TEKT2: variants seen among roughly 807,000 people sequenced by gnomAD.
TEKT2 encodes tektin 2, also known as tektin-2.
A neutral mutation model predicts 49.8 loss-of-function variants in TEKT2; 45 were observed. That is an observed-to-expected ratio of 0.90 (90% CI 0.71 to 1.16). The LOEUF is 1.16. Ranked by LOEUF, TEKT2 falls within the 50% of genes most tolerant of loss-of-function variation. The pLI, the probability that TEKT2 is intolerant of heterozygous loss-of-function variation, is 0.00. For missense variants in TEKT2, 523 were observed against 551.4 expected (o/e 0.95, Z 0.52); for synonymous variants, 202 against 224.6 (o/e 0.90, Z 0.90).
At position 36,084,567 on chromosome 1, in the gene TEKT2, A is replaced by G; in HGVS notation, c.-52-303A>G. On this transcript the variant is annotated intron_variant, in intron 1 of 9. Coordinates refer to ENST00000207457, the MANE Select transcript of TEKT2 (RefSeq NM_014466.3). The surrounding 1 kb of genome is among the most constrained non-coding windows in gnomAD (Gnocchi z 4.1). The stretch of plus-strand genomic sequence containing the variant: ...GCATTAAGGGCAATTTTTTTCTGCC[A>G]TCCGCCTACCCCCCAGGCATTTGGC... The G allele has an allele frequency of 5.0e-6, 2 of 399,160 alleles. No individual in the cohort carries two copies. The highest frequency in any genetic ancestry group is 5.3e-5 in the South Asian group (2 of 37,948). The allele number at this position is 399,160 out of a possible 1,614,324, so 24.7% of individuals were successfully genotyped here. A position where few individuals can be genotyped will look rare whatever the true frequency, so the allele number is the denominator to read the frequency against.
At chr1:36,086,324 AGTGT>A (rs1235455148) in intron 4 of TEKT2, among the ~76,000 whole-genome samples, 1 of 151,994 alleles carries the variant, frequency 6.6e-6, no homozygotes, top group Admixed American at 6.5e-5. Context: ...AGCTCCTGTG[AGTGT>A]GTGTGTATGA....
Position 36,085,058 on chromosome 1 carries a change from G to T in TEKT2, c.137G>T (p.Arg46Leu). Residue 46 changes from arginine (R) to leucine (L), a missense_variant, in exon 2 of 10, where the codon CGC becomes CTC. Coordinates refer to ENST00000207457, the MANE Select transcript of TEKT2 (RefSeq NM_014466.3). ...HQIRQEARVLRNETNNQTIWD... is the reference protein window; with the variant it reads ...HQIRQEARVLLNETNNQTIWD... ...ATCCGCCAGGAGGCCCGGGTGCTCC[G>T]CAACGAGACCAACAACCAGGTTGGG... 3 of 1,614,108 alleles carry T rather than the reference G, an allele frequency of 1.9e-6. No homozygotes were observed. Among genetic ancestry groups the T allele is most frequent in the African/African-American group, 1.3e-5 (1 of 75,044 alleles).
Position 36,086,911 on chromosome 1 carries a change from A to G in TEKT2, c.633-20A>G. The G allele has an allele frequency of 6.2e-7, 1 of 1,613,444 alleles. No homozygotes were observed. The highest frequency in any genetic ancestry group is 8.5e-7 in the Non-Finnish European group (1 of 1,179,958). On this transcript the variant is annotated intron_variant, in intron 5 of 9. Transcript: ENST00000207457. Reference sequence around the variant, plus strand: ...CCCAGGCCACACCCTCATGACCCCCATTTTCCCTGCCACCTGCAGCTCCAC... The same window carrying G: ...CCCAGGCCACACCCTCATGACCCCCGTTTTCCCTGCCACCTGCAGCTCCAC...
chr1:36,086,111 A>G, intron 4 of TEKT2, 70 bp downstream of exon 4: 1 of 1,515,834 alleles, frequency 6.6e-7, no homozygotes. Context: ...TGTGGAACAC[A>G]GGTATTGTGG....
rs1643389779 is a variant in TEKT2, at chr1:36,087,058, C to T, written c.747+13C>T. On this transcript the variant is annotated intron_variant, in intron 6 of 9. Transcript: ENST00000207457. The surrounding 1 kb of genome is among the most constrained non-coding windows in gnomAD (Gnocchi z 4.9). ...AACTATTGCTGAGGTGACAGGCCAC[C>T]CACAGCTAATGGATGGTCCCAGTGT... The T allele has an allele frequency of 6.2e-7, 1 of 1,613,004 alleles. No homozygotes were observed. The highest frequency in any genetic ancestry group is 8.5e-7 in the Non-Finnish European group (1 of 1,179,454).
rs778920015 is a variant in TEKT2, at chr1:36,085,287, A to C, written c.281A>C (p.Gln94Pro). Residue 94 changes from glutamine (Q) to proline (P), a missense_variant and splice_region_variant, in exon 3 of 10, where the codon CAG becomes CCG. Coordinates refer to ENST00000207457, the MANE Select transcript of TEKT2 (RefSeq NM_014466.3). ...GATGCCGAGATCGATGCCCTGACAC[A>C]GGCAGGGATCCAGGACTGGGTGCCC... is the stretch of plus-strand genomic sequence containing the variant. Reference protein sequence around the residue: ...DLDAEIDALTQMKESAEQNLQ... With the variant: ...DLDAEIDALTPMKESAEQNLQ... 8.7e-6 allele frequency: 14 copies of C among 1,613,806 alleles called. No homozygotes were observed. The highest frequency in any genetic ancestry group is 1.2e-5 in the Non-Finnish European group (14 of 1,180,016).
intron 4 of TEKT2, 46 bp from the exon 5 acceptor site, chr1:36,086,658 T>TC (rs1557729898): frequency 3.1e-6 from 5 of 1,613,664 alleles, no homozygotes; most frequent in Non-Finnish European, 2.5e-6. Flanking sequence ...GAGGCCTGCC[T>TC]CTGGCCCTTG....
chr1:36,088,222 G>A lies in TEKT2; in HGVS notation c.*36G>A, dbSNP rs1643420604. 2 of 1,487,522 alleles carry A rather than the reference G, an allele frequency of 1.3e-6. No individual in the cohort carries two copies. 92.1% of individuals were successfully genotyped at this position (1,487,522 alleles called of 1,614,324 possible). The stretch of plus-strand genomic sequence containing the variant: ...CTGCAGGAGGAGGGCAGGGTTGGGT[G>A]GGCAATGGAAGGAGGGAGGAGAGAA... On this transcript the variant is annotated 3_prime_UTR_variant, in exon 10 of 10. Transcript: ENST00000207457.
At position 36,086,958 on chromosome 1, in the gene TEKT2, C is replaced by G. The variant is rs761094191; in HGVS notation, c.660C>G (p.Asp220Glu). ...DGSTTLQQWD[D>E]FSRFNKDRAE... ...CCACCACACTCCAGCAGTGGGATGA[C>G]TTCAGTCGGTTCAACAAGGACCGAG... Residue 220 changes from aspartate to glutamate, a missense_variant, in exon 6 of 10, where the codon GAC becomes GAG. Coordinates refer to ENST00000207457, the MANE Select transcript of TEKT2 (RefSeq NM_014466.3). 1.2e-6 allele frequency: 2 copies of G among 1,613,970 alleles called. No individual in the cohort carries two copies. The highest frequency in any genetic ancestry group is 1.1e-5 in the South Asian group (1 of 91,084).
rs535498743 is a variant in TEKT2, at chr1:36,084,807, A to AG, written c.-52-58dup. On this transcript the variant is annotated intron_variant, in intron 1 of 9. Coordinates refer to ENST00000207457, the MANE Select transcript of TEKT2 (RefSeq NM_014466.3). This position sits in a 1 kb window ranked among gnomAD's most constrained non-coding sequence, Gnocchi z 4.1. ...AAATGGACAGGAACAAGTCCTGCGC[A>AG]GGGGGCGTGTGATCCAGGAGGTCTC... 7.4e-6 allele frequency: 11 copies of AG among 1,493,162 alleles called. No homozygotes were observed. The highest frequency in any genetic ancestry group is 1.4e-5 in the African/African-American group (1 of 72,522). 92.5% of individuals were successfully genotyped at this position (1,493,162 alleles called of 1,614,324 possible). A position where few individuals can be genotyped will look rare whatever the true frequency, so the allele number is the denominator to read the frequency against.
At chr1:36,086,670 G>A in intron 4 of TEKT2, 34 bp from the exon 5 acceptor site, 1 of 1,613,824 alleles carries the variant, frequency 6.2e-7, no homozygotes, top group Non-Finnish European at 8.5e-7. Flanking sequence ...TGGCCCTTGG[G>A]GGATGGTCCT....
chr1:36,088,220 G>T lies in TEKT2; in HGVS notation c.*34G>T. The T allele has an allele frequency of 1.0e-5, 15 of 1,464,406 alleles. No homozygotes were observed. Among genetic ancestry groups the T allele is most frequent in the Non-Finnish European group, 1.4e-5 (15 of 1,049,498 alleles). The allele number at this position is 1,464,406 out of a possible 1,614,324, so 90.7% of individuals were successfully genotyped here. A position where few individuals can be genotyped will look rare whatever the true frequency, so the allele number is the denominator to read the frequency against. On this transcript the variant is annotated 3_prime_UTR_variant, in exon 10 of 10. Transcript: ENST00000207457. ...GACTGCAGGAGGAGGGCAGGGTTGG[G>T]TGGGCAATGGAAGGAGGGAGGAGAG...
chr1:36,087,373 G>A lies in TEKT2; in HGVS notation c.855+62G>A. 7.4e-6 allele frequency: 12 copies of A among 1,613,908 alleles called. No individual in the cohort carries two copies. Among genetic ancestry groups the A allele is most frequent in the Non-Finnish European group, 1.0e-5 (12 of 1,179,974 alleles). On this transcript the variant is annotated intron_variant, in intron 7 of 9. Coordinates refer to ENST00000207457, the MANE Select transcript of TEKT2 (RefSeq NM_014466.3). The surrounding 1 kb of genome is among the most constrained non-coding windows in gnomAD (Gnocchi z 4.9). ...GATGAGAAGCCGCATGCCCCCGCCA[G>A]GAGGCACTGGACCAGGCATGCACGT...
At position 36,087,547 on chromosome 1, in the gene TEKT2, A is replaced by T; in HGVS notation, c.964A>T (p.Thr322Ser). Residue 322 changes from threonine (T) to serine (S), a missense_variant, in exon 8 of 10, where the codon ACC (threonine) becomes TCC (serine). Thr to Ser is a moderately conservative substitution (Grantham distance 58). Transcript: ENST00000207457. The surrounding 1 kb of genome is among the most constrained non-coding windows in gnomAD (Gnocchi z 4.9). ...KLSHTRLEAR[T>S]YRPNVELCRD... ...GTCCCATACCCGGCTAGAGGCCAGA[A>T]CCTACCGGCCCAACGTGGAACTCTG... 1 of 1,613,808 alleles carries T rather than the reference A, an allele frequency of 6.2e-7. No homozygotes were observed. The highest frequency in any genetic ancestry group is 8.5e-7 in the Non-Finnish European group (1 of 1,180,010).
rs1191231539 is a variant in TEKT2 at position 36,087,716 on chromosome 1, C to T, written c.1000-12C>T. Reference sequence around the variant, plus strand: ...GTGGCTGACTTGGAACTCCCAACCCCTCTGCCTCCAGGCACAGTACGGCCT... The same window carrying T: ...GTGGCTGACTTGGAACTCCCAACCCTTCTGCCTCCAGGCACAGTACGGCCT... On this transcript the variant is annotated splice_polypyrimidine_tract_variant and intron_variant, in intron 8 of 9. Transcript: ENST00000207457. The surrounding 1 kb of genome is among the most constrained non-coding windows in gnomAD (Gnocchi z 4.9). 9 of 1,613,452 alleles carry T rather than the reference C, an allele frequency of 5.6e-6. No individual in the cohort carries two copies. The highest frequency in any genetic ancestry group is 7.6e-6 in the Non-Finnish European group (9 of 1,179,874).
chr1:36,085,429 A>C (rs527446365), intron 3 of TEKT2, 141 bp downstream of exon 3: 1 of 1,284,538 alleles, frequency 7.8e-7, no homozygotes, highest in East Asian at 2.4e-5. Flanking sequence ...AGTGGGGACA[A>C]GCGCTACTTC....
In TEKT2 at chr1:36,086,933, C is replaced by T; in HGVS notation, c.635C>T (p.Ser212Phe). ...KVDPTRVPDG[S>F]TTLQQWDDFS... ...CCCATTTTCCCTGCCACCTGCAGCT[C>T]CACCACACTCCAGCAGTGGGATGAC... The change falls in exon 6 of 10, where the codon TCC becomes TTC. Residue 212 changes from serine (S) to phenylalanine (F), a missense_variant and splice_region_variant. Transcript: ENST00000207457. The T allele has an allele frequency of 6.2e-7, 1 of 1,613,906 alleles. No homozygotes were observed. The highest frequency in any genetic ancestry group is 8.5e-7 in the Non-Finnish European group (1 of 1,180,024).
intron 3 of TEKT2, among the ~76,000 whole-genome samples, 191 bp downstream of exon 3, chr1:36,085,479 C>CTTTTCT (rs1219371824): frequency 5.6e-5 from 7 of 125,152 alleles, no homozygotes; most frequent in Admixed American, 1.5e-4. Context: ...CCACTCTTTT[C>CTTTTCT]TTTTCTTTTT....
In TEKT2 at chr1:36,088,221, T is replaced by C; in HGVS notation, c.*35T>C. The C allele has an allele frequency of 1.0e-6, 1 of 984,148 alleles. No homozygotes were observed. 61.0% of individuals were successfully genotyped at this position (984,148 alleles called of 1,614,324 possible). On this transcript the variant is annotated 3_prime_UTR_variant, in exon 10 of 10. Transcript: ENST00000207457. ...ACTGCAGGAGGAGGGCAGGGTTGGG[T>C]GGGCAATGGAAGGAGGGAGGAGAGA...
Sources: allele counts gnomAD v4.1 joint callset (sites outside exome capture counted in the v4.1 genomes callset), GRCh38; gene constraint gnomAD v4.1.1; non-coding constraint Gnocchi (gnomAD v3.1); transcripts MANE v1.5; gene names NCBI Gene and HGNC (gene_info 2026-07-23, HGNC 2026-07-21).